Variants in C1orf87 observed in about 807,000 individuals in gnomAD.
C1orf87 encodes the protein chromosome 1 open reading frame 87.
In C1orf87, 58 loss-of-function variants were observed where a neutral mutation model predicts 60.5. The observed-to-expected ratio is 0.96, with a 90% CI of 0.78 to 1.19. C1orf87 has a LOEUF of 1.19. Ranked by LOEUF, C1orf87 falls within the 50% of genes most tolerant of loss-of-function variation. The pLI is 0.00. For missense variants in C1orf87, 673 were observed against 638.6 expected, an observed-to-expected ratio of 1.05 and a Z score of -0.58; for synonymous variants, 236 against 227.4, an observed-to-expected ratio of 1.04 and a Z score of -0.34.
intron 8 of C1orf87, among the ~76,000 whole-genome samples, chr1:60,017,181 C>T (rs1276684105): frequency 1.3e-5 from 2 of 152,132 alleles, no homozygotes; most frequent in Admixed American, 1.3e-4. Context: ...TTATAAAGCA[C>T]TTATTATTAT....
Position 60,041,031 on chromosome 1 carries a change from G to C in C1orf87, c.443C>G (p.Ser148Cys). ...GIPRRKLRDW[S>C]LEQMVRGSSD... ...GCTGCCTCTCACCATCTGTTCCAAGGACCAGTCTCTAAGCTTTCTCCTGGG... is the reference window on the plus strand; with the variant it reads ...GCTGCCTCTCACCATCTGTTCCAAGCACCAGTCTCTAAGCTTTCTCCTGGG... Residue 148 changes from serine (S) to cysteine (C), a missense_variant, in exon 4 of 12, where the codon TCC becomes TGC. Transcript: ENST00000371201. 6.2e-7 allele frequency: 1 copy of C among 1,613,290 alleles called. No individual in the cohort carries two copies. The highest frequency in any genetic ancestry group is 8.5e-7 in the Non-Finnish European group (1 of 1,179,484).
intron 2 of C1orf87, among the ~76,000 whole-genome samples, chr1:60,069,788 T>C (rs1645572950): frequency 6.6e-6 from 1 of 152,114 alleles, no homozygotes; most frequent in African/African-American, 2.4e-5. Context: ...AAGATTCCTG[T>C]GGTGATATTC....
intron 6 of C1orf87, 33 bp downstream of exon 6, chr1:60,037,959 G>A: frequency 6.8e-7 from 1 of 1,463,830 alleles, no homozygotes; most frequent in Non-Finnish European, 9.5e-7. Flanking sequence ...AGACACCTAG[G>A]AACAATACCC....
At chr1:60,043,964 G>T (rs1645346579) in intron 3 of C1orf87, among the ~76,000 whole-genome samples, 1 of 152,180 alleles carries the variant, frequency 6.6e-6, no homozygotes, top group Non-Finnish European at 1.5e-5. Flanking sequence ...AACAAGGCAG[G>T]TGTGACTCCT....
At chr1:59,994,109 C>T (rs146538570) in intron 11 of C1orf87, among the ~76,000 whole-genome samples, 4 of 152,248 alleles carry the variant, frequency 2.6e-5, no homozygotes, top group Admixed American at 2.6e-4. Context: ...AAAGAACTTT[C>T]AATCTTTTAT....
intron 3 of C1orf87, among the ~76,000 whole-genome samples, chr1:60,048,996 TA>T (rs543901529): frequency 5.0e-4 from 76 of 152,200 alleles, no homozygotes; most frequent in African/African-American, 1.8e-3. Flanking sequence ...TATGGAAATT[TA>T]GGTTGTTTAT....
chr1:60,004,794 G>A (rs1301967674), intron 9 of C1orf87, among the ~76,000 whole-genome samples: 1 of 151,898 alleles, frequency 6.6e-6, no homozygotes, highest in African/African-American at 2.4e-5. Flanking sequence ...AGATTTCCAG[G>A]TGTTGGAGGG....
intron 2 of C1orf87, among the ~76,000 whole-genome samples, chr1:60,065,013 T>TATTTAATATATA (rs71046363): frequency 1.7e-3 from 107 of 63,612 alleles, no homozygotes; most frequent in South Asian, 3.5e-3. Flanking sequence ...TAAATATATA[T>TATTTAATATATA]TAAATATATA....
At chr1:60,069,406 A>G (rs2100337371) in intron 2 of C1orf87, among the ~76,000 whole-genome samples, 1 of 152,280 alleles carries the variant, frequency 6.6e-6, no homozygotes, top group South Asian at 2.1e-4. Context: ...GCAAAACTGC[A>G]GAGAGTCAAG....
intron 8 of C1orf87, among the ~76,000 whole-genome samples, chr1:60,012,283 G>T (rs1392401529): frequency 6.6e-6 from 1 of 151,964 alleles, no homozygotes; most frequent in Non-Finnish European, 1.5e-5. Flanking sequence ...GAATTATCAG[G>T]TAGTGTTCTC....
At chr1:60,052,021 G>A (rs1028306065) in intron 3 of C1orf87, among the ~76,000 whole-genome samples, 3 of 152,124 alleles carry the variant, frequency 2.0e-5, no homozygotes, top group Non-Finnish European at 4.4e-5. Flanking sequence ...AAGTAGAAAT[G>A]TCCTTGACAT....
intron 2 of C1orf87, among the ~76,000 whole-genome samples, chr1:60,057,559 T>C (rs1645466051): frequency 6.6e-6 from 1 of 152,120 alleles, no homozygotes; most frequent in Non-Finnish European, 1.5e-5. Flanking sequence ...TGATATAAGA[T>C]GAACCTTGAC....
rs1644972920 is a variant in C1orf87 at position 59,997,705 on chromosome 1, G to A, written c.1384C>T (p.Pro462Ser). The change falls in exon 11 of 12, where the codon CCA becomes TCA. Residue 462 changes from proline to serine, a missense_variant. Pro to Ser is a moderately conservative substitution (Grantham distance 74). Transcript: ENST00000371201. ...TCCTCAGCCTTGTTCTTCACAGCTG[G>A]ATTCACGAAGGGCTGGGAGACTGGC... ...IRPVSQPFVN[P>S]AVKNKAEECE... 6.2e-7 allele frequency: 1 copy of A among 1,613,842 alleles called. No homozygotes were observed. The highest frequency in any genetic ancestry group is 1.3e-5 in the African/African-American group (1 of 74,896).
At chr1:60,028,005 C>G (rs1645212071) in intron 7 of C1orf87, among the ~76,000 whole-genome samples, 1 of 151,942 alleles carries the variant, frequency 6.6e-6, no homozygotes, top group South Asian at 2.1e-4. Flanking sequence ...CATTGGCTAG[C>G]AGAGTATTGA....
At chr1:60,027,737 A>T (rs1388470816) in intron 7 of C1orf87, among the ~76,000 whole-genome samples, 1 of 152,116 alleles carries the variant, frequency 6.6e-6, no homozygotes, top group Non-Finnish European at 1.5e-5. Context: ...AAAAAGATTG[A>T]TTTGAAACAT....
chr1:60,068,120 G>A (rs1273692782), intron 2 of C1orf87, among the ~76,000 whole-genome samples: 1 of 152,036 alleles, frequency 6.6e-6, no homozygotes, highest in African/African-American at 2.4e-5. Flanking sequence ...AGCATGCCAG[G>A]GCGCCTCCTA....
chr1:60,011,403 G>C (rs930860690), intron 8 of C1orf87, among the ~76,000 whole-genome samples: 1 of 151,666 alleles, frequency 6.6e-6, no homozygotes, highest in African/African-American at 2.4e-5. Context: ...ACCCCCTCTA[G>C]TTAATCTCAA....
chr1:59,994,022 G>T (rs1333025832), intron 11 of C1orf87, among the ~76,000 whole-genome samples: 1 of 152,122 alleles, frequency 6.6e-6, no homozygotes, highest in African/African-American at 2.4e-5. Context: ...GCCTCCCAAA[G>T]TGCTGGGATT....
chr1:60,027,631 T>G (rs567375679), intron 7 of C1orf87, among the ~76,000 whole-genome samples: 24 of 152,352 alleles, frequency 1.6e-4, no homozygotes, highest in African/African-American at 5.3e-4. Context: ...ATCTTCGTTT[T>G]TCTTTATGAA....
Sources: allele counts gnomAD v4.1 joint callset (sites outside exome capture counted in the v4.1 genomes callset), GRCh38; gene constraint gnomAD v4.1.1; transcripts MANE v1.5; gene names NCBI Gene and HGNC (gene_info 2026-07-23, HGNC 2026-07-21).